CCKBR: variants seen among roughly 807,000 people sequenced by gnomAD.
CCKBR encodes gastrin/cholecystokinin type B receptor.
Under a neutral mutation model 34.6 loss-of-function variants are expected in CCKBR, and 33 were observed. The observed-to-expected ratio is 0.95, with a 90% confidence interval of 0.72 to 1.27. The LOEUF (loss-of-function observed/expected upper bound fraction) is 1.27, where lower values mean the gene tolerates loss of function less well. CCKBR is among the 50% of genes most tolerant of loss of function. CCKBR has a pLI of 0.00. For missense variants in CCKBR, 652 were observed against 617.4 expected (o/e 1.06, Z -0.59); for synonymous variants, 269 against 267.5 (o/e 1.01, Z -0.06).
chr11:6,268,241 C>T (rs1848238222), intron 1 of CCKBR, among the ~76,000 whole-genome samples: 1 of 152,240 alleles, frequency 6.6e-6, no homozygotes, highest in Admixed American at 6.5e-5. Context: ...AATTTGGGAG[C>T]TAAAATGAGA....
chr11:6,271,603 C>T lies in CCKBR; in HGVS notation c.*60C>T, dbSNP rs1303330790. 1 of 1,462,964 alleles carries T rather than the reference C, an allele frequency of 6.8e-7. No individual in the cohort carries two copies. The highest frequency in any genetic ancestry group is 9.1e-7 in the Non-Finnish European group (1 of 1,098,162). 90.6% of individuals were successfully genotyped at this position (1,462,964 alleles called of 1,614,324 possible). On this transcript the variant is annotated 3_prime_UTR_variant, in exon 5 of 5. Coordinates refer to ENST00000334619, the MANE Select transcript of CCKBR (RefSeq NM_176875.4). ...AATGACATGCACTGACCCTTCCAGA[C>T]ATACGAAACACAAACCACAACTGAC... is the stretch of plus-strand genomic sequence containing the variant.
At chr11:6,270,035 T>C in intron 2 of CCKBR, 53 bp from the exon 3 acceptor site, 1 of 1,587,652 alleles carries the variant, frequency 6.3e-7, no homozygotes, top group South Asian at 1.2e-5. Flanking sequence ...CCACTGATGC[T>C]TGTGTAGTGC....
intron 3 of CCKBR, 45 bp from the exon 4 acceptor site, chr11:6,270,601 T>C (rs776105347): frequency 1.3e-6 from 2 of 1,540,418 alleles, no homozygotes; most frequent in Non-Finnish European, 1.8e-6. Context: ...CATCTGTGAT[T>C]ACAGCTGGAC....
At position 6,271,512 on chromosome 11, in the gene CCKBR, A is replaced by C; in HGVS notation, c.1313A>C (p.Tyr438Ser). 6.2e-7 allele frequency: 1 copy of C among 1,605,688 alleles called. No homozygotes were observed. Among genetic ancestry groups the C allele is most frequent in the Non-Finnish European group, 8.5e-7 (1 of 1,176,336 alleles). ...ATTGCTTCGCTGTCCAGGCTTAGCT[A>C]CACCACCATCAGCACACTGGGCCCT... is the stretch of plus-strand genomic sequence containing the variant. ...PSIASLSRLS[Y>S]TTISTLGPG is the part of the protein sequence containing the mutation. Residue 438 changes from tyrosine (Y) to serine (S), a missense_variant, in exon 5 of 5, where the codon TAC (tyrosine) becomes TCC (serine). Transcript: ENST00000334619.
chr11:6,260,834 A>G (rs1277337600), intron 1 of CCKBR, among the ~76,000 whole-genome samples: 2 of 152,232 alleles, frequency 1.3e-5, no homozygotes, highest in Non-Finnish European at 2.9e-5. Flanking sequence ...CATGGCCCAT[A>G]GCCAAGTGCA....
Position 6,262,806 on chromosome 11 carries a change from T to C in CCKBR, c.151+2727T>C, listed in dbSNP as rs141897246. Among the ~76,000 whole-genome samples the C allele has an allele frequency of 1.9e-3, 295 of 152,294 alleles. 4 individuals carry two copies. The highest frequency in any genetic ancestry group is 0.012 in the East Asian group (63 of 5,184). On this transcript the variant is annotated intron_variant, in intron 1 of 4. Coordinates refer to ENST00000334619, the MANE Select transcript of CCKBR (RefSeq NM_176875.4). ...TATGTGCATAGGTTTGTTACGTGTG[T>C]GCGCGTGTGTGTGCACGCATTTTAA...
At position 6,270,685 on chromosome 11, in the gene CCKBR, T is replaced by C. The variant is rs1240411105; in HGVS notation, c.693T>C (p.Gly231=). Residue 231 remains glycine (G), a synonymous_variant, in exon 4 of 5, where the codon GGT becomes GGC. Transcript: ENST00000334619. ...LLLLLLFFIP[G]VVMAVAYGLI... ...TTCTGCTCTTGTTCTTCATCCCGGGTGTGGTTATGGCCGTGGCCTACGGGC... is the reference window on the plus strand; with the variant it reads ...TTCTGCTCTTGTTCTTCATCCCGGGCGTGGTTATGGCCGTGGCCTACGGGC... 2 of 1,611,438 alleles carry C rather than the reference T, an allele frequency of 1.2e-6. No homozygotes were observed. Among genetic ancestry groups the C allele is most frequent in the Middle Eastern group, 1.7e-4 (1 of 6,060 alleles).
Position 6,269,798 on chromosome 11 carries a change from T to A in CCKBR, c.281T>A (p.Leu94His). Residue 94 changes from leucine to histidine, a missense_variant, in exon 2 of 5, where the codon CTC becomes CAC. Leu to His is a moderately conservative substitution (Grantham distance 99). Transcript: ENST00000334619. ...RLRTVTNAFL[L>H]SLAVSDLLLA... ...AGGACTGTCACCAATGCCTTCCTCCTCTCACTGGCAGTCAGCGACCTCCTG... is the reference window on the plus strand; with the variant it reads ...AGGACTGTCACCAATGCCTTCCTCCACTCACTGGCAGTCAGCGACCTCCTG... The A allele has an allele frequency of 3.7e-6, 6 of 1,614,130 alleles. No homozygotes were observed. Among genetic ancestry groups the A allele is most frequent in the Non-Finnish European group, 5.1e-6 (6 of 1,180,012 alleles).
At chr11:6,270,835 C>G (rs1800843) in intron 4 of CCKBR, 32 bp downstream of exon 4, 2 of 1,613,402 alleles carry the variant, frequency 1.2e-6, no homozygotes, top group South Asian at 2.2e-5. Context: ...AAAATCTGGG[C>G]GAGGCGGAGC....
At chr11:6,261,574 A>T (rs767959611) in intron 1 of CCKBR, among the ~76,000 whole-genome samples, 2 of 151,832 alleles carry the variant, frequency 1.3e-5, no homozygotes, top group Non-Finnish European at 2.9e-5. Context: ...GACAAGATGT[A>T]TAAGAAGCTC....
Position 6,271,643 on chromosome 11 carries a change from C to CAGAAAAAAAAG in CCKBR, c.*100_*101insAGAAAAAAAAG. On this transcript the variant is annotated 3_prime_UTR_variant, in exon 5 of 5. Coordinates refer to ENST00000334619, the MANE Select transcript of CCKBR (RefSeq NM_176875.4). ...CCACAACTGACACAGGAAACCAACA[C>CAGAAAAAAAAG]CCAAAGCATGGACTAACCCCAACGC... 1 of 1,224,424 alleles carries CAGAAAAAAAAG rather than the reference C, an allele frequency of 8.2e-7. No homozygotes were observed. The allele number at this position is 1,224,424 out of a possible 1,614,324, so 75.8% of individuals were successfully genotyped here.
chr11:6,269,145 G>C (rs79785679), intron 1 of CCKBR, among the ~76,000 whole-genome samples: 1 of 21,528 alleles, frequency 4.6e-5, no homozygotes, highest in African/African-American at 1.1e-4. Flanking sequence ...GAGAGTAAGT[G>C]AAGTATTTTT....
At position 6,270,863 on chromosome 11, in the gene CCKBR, C is replaced by T. The variant is rs763318118; in HGVS notation, c.811+60C>T. 3.7e-6 allele frequency: 6 copies of T among 1,612,690 alleles called. No homozygotes were observed. The East Asian group carries it at 8.9e-5, about 24-fold the overall frequency. ...GGCGGAGCTTTGGAGGGCGACGGGG[C>T]CTGCTGGAGTGGGTGGGACTGAAAT... On this transcript the variant is annotated intron_variant, in intron 4 of 4. Transcript: ENST00000334619.
chr11:6,267,368 A>C (rs1848224813), intron 1 of CCKBR, among the ~76,000 whole-genome samples: 1 of 143,118 alleles, frequency 7.0e-6, no homozygotes, highest in South Asian at 2.3e-4. Flanking sequence ...AAAAAAAAAA[A>C]CCTTTCTGTT....
chr11:6,261,250 C>A (rs371291344), intron 1 of CCKBR, among the ~76,000 whole-genome samples: 2 of 151,046 alleles, frequency 1.3e-5, no homozygotes, highest in Non-Finnish European at 2.9e-5. Flanking sequence ...GTTTAATGGG[C>A]GAGACAGAAA....
intron 1 of CCKBR, among the ~76,000 whole-genome samples, chr11:6,264,859 A>T (rs1350980979): frequency 6.6e-6 from 1 of 152,228 alleles, no homozygotes; most frequent in East Asian, 1.9e-4. Flanking sequence ...ACACAACCAC[A>T]CATATACACA....
chr11:6,264,448 A>C, intron 1 of CCKBR: 4 of 632,378 alleles, frequency 6.3e-6, no homozygotes. Context: ...GGATTTTTGC[A>C]CTCATACTTC....
intron 1 of CCKBR, 124 bp downstream of exon 1, chr11:6,260,203 TC>T: frequency 1.5e-6 from 1 of 645,168 alleles, no homozygotes; most frequent in Non-Finnish European, 2.6e-6. Context: ...CTCATAGTAC[TC>T]CCTCAGCCCC....
intron 1 of CCKBR, chr11:6,264,724 TAC>T (rs5789456): frequency 0.7 from 296,985 of 425,984 alleles, 87,554 homozygotes; most frequent in African/African-American, 0.8. Context: ...CACACATCAA[TAC>T]ACACACACAC....
Sources: allele counts gnomAD v4.1 joint callset (sites outside exome capture counted in the v4.1 genomes callset), GRCh38; gene constraint gnomAD v4.1.1; transcripts MANE v1.5; gene names NCBI Gene and HGNC (gene_info 2026-07-23, HGNC 2026-07-21).